Variants in DIAPH2 observed in about 807,000 individuals in gnomAD.
DIAPH2 encodes the protein protein diaphanous homolog 2.
In DIAPH2, 35 loss-of-function variants were observed where a neutral mutation model predicts 92.7. The observed-to-expected ratio is 0.38, with a 90% confidence interval of 0.29 to 0.50. DIAPH2 has a LOEUF of 0.50. Among genes scored for constraint, DIAPH2 ranks in the 20% least tolerant of loss-of-function variants. DIAPH2 has a pLI of 0.94. For missense variants in DIAPH2, 701 were observed against 819.5 expected, an observed-to-expected ratio of 0.86 and a Z score of 1.77; for synonymous variants, 301 against 280.4, an observed-to-expected ratio of 1.07 and a Z score of -0.73.
At chrX:96,787,232 C>A (rs1251260867) in intron 4 of DIAPH2, among the ~76,000 whole-genome samples, 2 of 111,634 alleles carry the variant, frequency 1.8e-5, no homozygotes, top group African/African-American at 6.5e-5. Flanking sequence ...CTGGTGAATT[C>A]AACTTACAAG....
chrX:96,705,135 G>A (rs1200377493), intron 1 of DIAPH2, among the ~76,000 whole-genome samples: 1 of 109,930 alleles, frequency 9.1e-6, no homozygotes, highest in African/African-American at 3.3e-5. Flanking sequence ...CACTACGCCC[G>A]GCTAATTTTT....
intron 3 of DIAPH2, 24 bp from the exon 4 acceptor site, chrX:96,758,130 C>T (rs20363): frequency 0.12 from 135,614 of 1,127,755 alleles, 7,051 homozygotes; most frequent in East Asian, 0.3. Context: ...TATCAATGCC[C>T]ACAGTAAATG....
intron 1 of DIAPH2, among the ~76,000 whole-genome samples, chrX:96,723,398 G>T (rs1404006138): frequency 9.0e-6 from 1 of 111,570 alleles, no homozygotes; most frequent in African/African-American, 3.3e-5. Flanking sequence ...GAAATAAGTG[G>T]CTGTCTCTCT....
At chrX:97,121,700 G>C (rs2147386477) in intron 21 of DIAPH2, among the ~76,000 whole-genome samples, 1 of 111,828 alleles carries the variant, frequency 8.9e-6, no homozygotes, top group South Asian at 3.7e-4. Flanking sequence ...TGTGTTGTTT[G>C]CTGTAAATCT....
intron 1 of DIAPH2, among the ~76,000 whole-genome samples, chrX:96,734,412 A>G (rs901740121): frequency 1.8e-4 from 20 of 111,827 alleles, no homozygotes; most frequent in African/African-American, 6.5e-4. Flanking sequence ...TTTCTCTCTG[A>G]TTTGGTATTG....
At chrX:97,534,920 G>T (rs977166733) in intron 26 of DIAPH2, among the ~76,000 whole-genome samples, 6 of 111,312 alleles carry the variant, frequency 5.4e-5, no homozygotes, top group African/African-American at 2.0e-4. Flanking sequence ...TCTTCCCCGA[G>T]AACATATAAC....
chrX:97,459,562 G>A (rs1602604240), intron 26 of DIAPH2, among the ~76,000 whole-genome samples: 1 of 112,143 alleles, frequency 8.9e-6, no homozygotes, highest in South Asian at 3.7e-4. Context: ...GCCAAATGTG[G>A]TGGTTACTAA....
intron 4 of DIAPH2, among the ~76,000 whole-genome samples, chrX:96,852,518 G>A (rs1038359676): frequency 8.9e-6 from 1 of 111,743 alleles, no homozygotes; most frequent in African/African-American, 3.3e-5. Flanking sequence ...GCTGGAGGGA[G>A]CTGTGCTACA....
rs1343278801 is a variant in DIAPH2, at chrX:97,019,537, C to A, written c.2051-53404C>A. Among the ~76,000 whole-genome samples the A allele has an allele frequency of 6.3e-5, 7 of 110,630 alleles. No individual in the cohort carries two copies. In the South Asian group the frequency reaches 2.7e-3, roughly 42 times the overall value. On this transcript the variant is annotated intron_variant, in intron 17 of 26. Coordinates refer to ENST00000324765, the MANE Select transcript of DIAPH2 (RefSeq NM_006729.5). Reference sequence around the variant, plus strand: ...GTGTACTCCTTTGCATATTCCTTGCCTCCCCTAACCTGAGGCCAGTGCTAT... The same window carrying A: ...GTGTACTCCTTTGCATATTCCTTGCATCCCCTAACCTGAGGCCAGTGCTAT...
intron 22 of DIAPH2, among the ~76,000 whole-genome samples, chrX:97,167,209 T>G (rs1467564985): frequency 9.8e-6 from 1 of 102,401 alleles, no homozygotes; most frequent in Non-Finnish European, 2.0e-5. Flanking sequence ...TGCAAGAGTT[T>G]CCTCTAGGGC....
At chrX:97,030,004 A>G (rs1290561551) in intron 17 of DIAPH2, among the ~76,000 whole-genome samples, 5 of 111,248 alleles carry the variant, frequency 4.5e-5, no homozygotes, top group African/African-American at 1.6e-4. Context: ...AATGGTTTCC[A>G]TCACACCAAG....
chrX:97,198,851 G>T (rs964096817), intron 22 of DIAPH2, among the ~76,000 whole-genome samples: 3 of 111,382 alleles, frequency 2.7e-5, no homozygotes, highest in African/African-American at 9.8e-5. Flanking sequence ...ATCCCTGTCA[G>T]CTCACAAATC....
intron 4 of DIAPH2, among the ~76,000 whole-genome samples, chrX:96,797,559 T>A (rs975279284): frequency 9.0e-6 from 1 of 111,110 alleles, no homozygotes; most frequent in African/African-American, 3.3e-5. Flanking sequence ...TCTGTGGGGG[T>A]CCCAGGAAAC....
At chrX:97,412,854 G>A (rs1227426280) in intron 25 of DIAPH2, among the ~76,000 whole-genome samples, 1 of 111,956 alleles carries the variant, frequency 8.9e-6, no homozygotes, top group African/African-American at 3.2e-5. Flanking sequence ...ACTAAACCAG[G>A]AAGAAGTTGA....
chrX:96,992,126 G>C (rs1363865047), intron 17 of DIAPH2, among the ~76,000 whole-genome samples: 1 of 110,953 alleles, frequency 9.0e-6, no homozygotes, highest in Admixed American at 9.6e-5. Context: ...AAAGTTCATA[G>C]ATGTATACTT....
chrX:97,340,625 G>A (rs2069104016), intron 23 of DIAPH2, among the ~76,000 whole-genome samples: 1 of 109,238 alleles, frequency 9.2e-6, no homozygotes, highest in South Asian at 4.0e-4. Context: ...CCACCAAATA[G>A]CCTTGCTGGT....
At position 96,763,063 on chromosome X, in the gene DIAPH2, T is replaced by TA. The variant is rs1221835790; in HGVS notation, c.447+4806dup. On this transcript the variant is annotated intron_variant, in intron 4 of 26. Transcript: ENST00000324765. ...ATATTGTTGCTGTTTGTTTTTTTTT[T>TA]ACACCATAACCACTCTTCGTTGACC... 5 of 936,748 alleles carry TA rather than the reference T, an allele frequency of 5.3e-6. No homozygotes were observed. The African/African-American group carries it at 8.3e-5, about 16-fold the overall frequency. The allele number at this position is 936,748 out of a possible 1,213,427, so 77.2% of individuals were successfully genotyped here.
chrX:97,220,754 G>A (rs1293764695), intron 22 of DIAPH2, among the ~76,000 whole-genome samples: 3 of 112,196 alleles, frequency 2.7e-5, no homozygotes, highest in Admixed American at 9.5e-5. Flanking sequence ...CATTGGCTGT[G>A]TAGAGCTTCT....
chrX:96,957,311 G>A (rs769999780), intron 15 of DIAPH2, among the ~76,000 whole-genome samples: 27 of 112,386 alleles, frequency 2.4e-4, no homozygotes, highest in South Asian at 7.3e-4. Context: ...GTGAGCCACC[G>A]CACCTGGCTG....
Sources: allele counts gnomAD v4.1 joint callset (sites outside exome capture counted in the v4.1 genomes callset), GRCh38; gene constraint gnomAD v4.1.1; transcripts MANE v1.5; gene names NCBI Gene and HGNC (gene_info 2026-07-23, HGNC 2026-07-21).